Variants in FRYL observed in about 807,000 individuals in gnomAD.
FRYL encodes protein furry homolog-like.
FRYL carries 150 observed loss-of-function variants against 351.2 expected under a neutral mutation model. That is an observed-to-expected ratio of 0.43 (90% CI 0.37 to 0.49). The LOEUF is 0.49. Among genes scored for constraint, FRYL ranks in the 20% least tolerant of loss-of-function variants. FRYL has a pLI of 0.00. For missense variants in FRYL, 3,036 were observed against 3,619.3 expected, an observed-to-expected ratio of 0.84 and a Z score of 4.13; for synonymous variants, 1,153 against 1,257.1, an observed-to-expected ratio of 0.92 and a Z score of 1.75.
At chr4:48,584,761 C>T (rs1272813392) in intron 19 of FRYL, among the ~76,000 whole-genome samples, 3 of 152,134 alleles carry the variant, frequency 2.0e-5, no homozygotes, top group Non-Finnish European at 4.4e-5. Flanking sequence ...ATTAACTTTC[C>T]TTAGGGACAG....
intron 7 of FRYL, among the ~76,000 whole-genome samples, chr4:48,611,505 T>C (rs1361678242): frequency 6.6e-6 from 1 of 152,084 alleles, no homozygotes; most frequent in Non-Finnish European, 1.5e-5. Context: ...AATTTGTATG[T>C]GTCTATACCA....
At chr4:48,565,284 G>GAA (rs11439796) in intron 29 of FRYL, among the ~76,000 whole-genome samples, 3 of 152,102 alleles carry the variant, frequency 2.0e-5, no homozygotes, top group Non-Finnish European at 2.9e-5. Flanking sequence ...TTAAGTAAGG[G>GAA]AAAAAAGGCA....
At chr4:48,646,485 C>G (rs1023044537) in intron 3 of FRYL, among the ~76,000 whole-genome samples, 1 of 152,194 alleles carries the variant, frequency 6.6e-6, no homozygotes, top group Non-Finnish European at 1.5e-5. Flanking sequence ...ATCAAACAGG[C>G]AATGTCCTGT....
chr4:48,506,555 TATC>T (rs932288135), intron 59 of FRYL: 1 of 145,114 alleles, frequency 6.9e-6, no homozygotes, highest in Admixed American at 6.9e-5. Context: ...AGTTTGATAT[TATC>T]AGTTGTTTTG....
rs1031262180 is a variant in FRYL at position 48,551,475 on chromosome 4, A to C, written c.4520+19T>G. 6.9e-7 allele frequency: 1 copy of C among 1,453,686 alleles called. No individual in the cohort carries two copies. Among genetic ancestry groups the C allele is most frequent in the African/African-American group, 1.4e-5 (1 of 71,560 alleles). 90.0% of individuals were successfully genotyped at this position (1,453,686 alleles called of 1,614,324 possible). A position where few individuals can be genotyped will look rare whatever the true frequency, so the allele number is the denominator to read the frequency against. ...ATCTGTCAAACTGAAAGGCTAATAC[A>C]GAACAGAGAAGTACTTACCTCTCTT... On this transcript the variant is annotated intron_variant, in intron 37 of 63. Coordinates refer to ENST00000358350, the MANE Select transcript of FRYL (RefSeq NM_015030.2).
intron 53 of FRYL, 78 bp downstream of exon 53, chr4:48,527,399 G>C: frequency 1.6e-6 from 2 of 1,224,310 alleles, no homozygotes; most frequent in East Asian, 4.7e-5. Context: ...ACCTCAATAA[G>C]GAATGATCCT....
chr4:48,514,164 T>A (rs1723052340), intron 56 of FRYL, among the ~76,000 whole-genome samples: 1 of 152,186 alleles, frequency 6.6e-6, no homozygotes, highest in African/African-American at 2.4e-5. Context: ...ATTGTAAAAG[T>A]AAAATTCTGA....
intron 2 of FRYL, among the ~76,000 whole-genome samples, chr4:48,695,160 C>A (rs1222900682): frequency 3.3e-5 from 5 of 152,222 alleles, no homozygotes; most frequent in African/African-American, 9.6e-5. Context: ...ACTGTTTAAA[C>A]ATACCCCTAA....
At chr4:48,501,576 AT>A in intron 62 of FRYL, 46 bp downstream of exon 62, 3 of 1,053,544 alleles carry the variant, frequency 2.8e-6, no homozygotes, top group Non-Finnish European at 4.4e-6. Context: ...TTATTTTAAA[AT>A]TTTTTTAGAA....
At chr4:48,547,992 T>C (rs981724301) in intron 40 of FRYL, among the ~76,000 whole-genome samples, 1 of 152,156 alleles carries the variant, frequency 6.6e-6, no homozygotes, top group African/African-American at 2.4e-5. Context: ...GTTTCATGTC[T>C]AAAATTTAGT....
intron 18 of FRYL, among the ~76,000 whole-genome samples, chr4:48,587,550 A>AT (rs552140691): frequency 1.1e-4 from 16 of 147,994 alleles, no homozygotes; most frequent in African/African-American, 2.2e-4. Flanking sequence ...TTTATTTTTT[A>AT]TTTTTTTTTT....
chr4:48,662,813 A>G (rs1179063111), intron 3 of FRYL, among the ~76,000 whole-genome samples: 1 of 151,908 alleles, frequency 6.6e-6, no homozygotes, highest in Non-Finnish European at 1.5e-5. Context: ...CAGAAGTTAG[A>G]ATGACATCAA....
intron 1 of FRYL, among the ~76,000 whole-genome samples, chr4:48,766,216 T>A (rs1774927691): frequency 6.6e-6 from 1 of 152,208 alleles, no homozygotes. Flanking sequence ...ATAGCCATAA[T>A]GTGCTGTTGT....
chr4:48,593,650 C>T (rs1743998217), intron 16 of FRYL, among the ~76,000 whole-genome samples: 1 of 152,148 alleles, frequency 6.6e-6, no homozygotes, highest in South Asian at 2.1e-4. Flanking sequence ...AGGCATGAGC[C>T]ACCGTGCCCG....
At position 48,771,896 on chromosome 4, in the gene FRYL, C is replaced by A. The variant is rs372521105; in HGVS notation, c.-384+8182G>T. ...TATGGGCAGGCATAATGAGAGCAAA[C>A]AAAGAGATAACAGTTAACAATAAAG... On this transcript the variant is annotated intron_variant, in intron 1 of 63. Coordinates refer to ENST00000358350, the MANE Select transcript of FRYL (RefSeq NM_015030.2). 1.7e-4 allele frequency among the ~76,000 whole-genome samples: 26 copies of A among 152,282 alleles called. No individual in the cohort carries two copies. In the East Asian group the frequency reaches 4.8e-3, roughly 28 times the overall value.
At chr4:48,596,891 C>T (rs918181932) in intron 13 of FRYL, among the ~76,000 whole-genome samples, 2 of 150,600 alleles carry the variant, frequency 1.3e-5, no homozygotes, top group Admixed American at 6.6e-5. Flanking sequence ...TTTATACATC[C>T]GTTGATTAGT....
At chr4:48,618,500 C>T (rs1163832096) in intron 7 of FRYL, 2 of 151,340 alleles carry the variant, frequency 1.3e-5, no homozygotes, top group Non-Finnish European at 2.9e-5. Flanking sequence ...TTTAGGCTTC[C>T]TAACTTGTTT....
Position 48,499,659 on chromosome 4 carries a change from G to T in FRYL, c.8805C>A (p.Ile2935=). The change falls in exon 64 of 64, where the codon ATC becomes ATA. Residue 2935 remains isoleucine, a synonymous_variant. Transcript: ENST00000358350. ...KAFRSLWPSD[I]FGSCEDDPVQ... ...CAGGGTCATCTTCACAACTGCCAAA[G>T]ATATCACTGGGCCAGAGAGATCTGA... The T allele has an allele frequency of 1.2e-6, 2 of 1,614,040 alleles. No homozygotes were observed. The highest frequency in any genetic ancestry group is 1.7e-6 in the Non-Finnish European group (2 of 1,179,936).
Position 48,710,510 on chromosome 4 carries a change from T to C in FRYL, c.-204+9A>G, listed in dbSNP as rs1218413646. 5 of 398,496 alleles carry C rather than the reference T, an allele frequency of 1.3e-5. No homozygotes were observed. The highest frequency in any genetic ancestry group is 2.2e-5 in the Non-Finnish European group (5 of 226,064). The allele number at this position is 398,496 out of a possible 1,614,324, so 24.7% of individuals were successfully genotyped here. A position where few individuals can be genotyped will look rare whatever the true frequency, so the allele number is the denominator to read the frequency against. On this transcript the variant is annotated intron_variant, in intron 2 of 63. Transcript: ENST00000358350. ...AGGCCTAGAAAAGAGGAAATATACA[T>C]GTCCTTACCACTTAGAAATGGTTGT...
Sources: gnomAD v4.1 joint callset for allele counts (sites outside exome capture counted in the v4.1 genomes callset) on GRCh38, gnomAD v4.1.1 for gene constraint, MANE v1.5 for transcripts, NCBI Gene and HGNC (gene_info 2026-07-23, HGNC 2026-07-21) for gene names.